The following IL7 variants were observed in gnomAD, a reference collection of about 807,000 sequenced individuals.
The protein encoded by IL7 is interleukin-7.
In IL7, 3 loss-of-function variants were observed where a neutral mutation model predicts 21.6. That is an observed-to-expected ratio of 0.14 (90% CI 0.06 to 0.36). The LOEUF (loss-of-function observed/expected upper bound fraction) is 0.36, where lower values mean the gene tolerates loss of function less well. IL7 is among the 10% of genes least tolerant of loss of function. The pLI, the probability that IL7 is intolerant of heterozygous loss-of-function variation, is 1.00. For missense variants in IL7, 175 were observed against 200.2 expected (o/e 0.87, Z 0.76); for synonymous variants, 62 against 68.1 (o/e 0.91, Z 0.44).
At chr8:78,708,388 G>A (rs1456098305) in intron 3 of IL7, among the ~76,000 whole-genome samples, 1 of 151,976 alleles carries the variant, frequency 6.6e-6, no homozygotes, top group Non-Finnish European at 1.5e-5. Flanking sequence ...TAGACAGTTT[G>A]TGGATTAGGC....
At chr8:78,682,085 T>G (rs1258342500) in intron 4 of IL7, among the ~76,000 whole-genome samples, 1 of 152,076 alleles carries the variant, frequency 6.6e-6, no homozygotes, top group Non-Finnish European at 1.5e-5. Context: ...ATTCAACACA[T>G]AATTCTTGAT....
At chr8:78,683,594 C>A (rs942545122) in intron 4 of IL7, among the ~76,000 whole-genome samples, 1 of 152,126 alleles carries the variant, frequency 6.6e-6, no homozygotes, top group African/African-American at 2.4e-5. Context: ...CCTTCTAGGC[C>A]TCTGAACCTG....
At chr8:78,719,693 A>G (rs974878712) in intron 5 of IL7, 2 of 151,652 alleles carry the variant, frequency 1.3e-5, no homozygotes, top group African/African-American at 2.4e-5. Flanking sequence ...CTTGTCCACT[A>G]TTTGTTTTTT....
intron 2 of IL7, among the ~76,000 whole-genome samples, chr8:78,766,669 A>G (rs542984063): frequency 6.6e-6 from 1 of 152,246 alleles, no homozygotes; most frequent in East Asian, 1.9e-4. Flanking sequence ...ATAACTGCGT[A>G]ATATTCCACA....
chr8:78,749,727 G>A (rs1812104734), intron 2 of IL7, among the ~76,000 whole-genome samples: 1 of 152,180 alleles, frequency 6.6e-6, no homozygotes, highest in Non-Finnish European at 1.5e-5. Context: ...GGTCCTCACA[G>A]TAAGTATCAG....
chr8:78,681,112 G>A (rs1446944459), intron 4 of IL7, among the ~76,000 whole-genome samples: 1 of 151,938 alleles, frequency 6.6e-6, no homozygotes, highest in Non-Finnish European at 1.5e-5. Flanking sequence ...AGGATCTGAG[G>A]GAAGCAGGGT....
chr8:78,746,808 C>G (rs1811993961), intron 2 of IL7: 12 of 344,608 alleles, frequency 3.5e-5, no homozygotes, highest in Middle Eastern at 1.0e-3. Flanking sequence ...TGATAGAGAA[C>G]TATTGCTTTT....
In IL7 at chr8:78,733,460, A is replaced by C. The variant is rs2130657329; in HGVS notation, c.*253T>G. 1 of 296,638 alleles carries C rather than the reference A, an allele frequency of 3.4e-6. No individual in the cohort carries two copies. The highest frequency in any genetic ancestry group is 9.7e-4 in the Middle Eastern group (1 of 1,032). The allele number at this position is 296,638 out of a possible 1,614,324, so 18.4% of individuals were successfully genotyped here. A position where few individuals can be genotyped will look rare whatever the true frequency, so the allele number is the denominator to read the frequency against. ...TTACATGGATTGTCTTACAAAAATC[A>C]GTACAGAATTATACTGATTGATAAA... is the stretch of plus-strand genomic sequence containing the variant. On this transcript the variant is annotated 3_prime_UTR_variant, in exon 6 of 6. Transcript: ENST00000263851.
Position 78,689,211 on chromosome 8 carries a change from A to G in IL7, n.215-3264T>C, listed in dbSNP as rs368612042. 3.4e-6 allele frequency: 5 copies of G among 1,462,630 alleles called. 1 individual carries two copies. In the Admixed American group the frequency reaches 7.5e-5, roughly 22 times the overall value. The allele number at this position is 1,462,630 out of a possible 1,614,324, so 90.6% of individuals were successfully genotyped here. A position where few individuals can be genotyped will look rare whatever the true frequency, so the allele number is the denominator to read the frequency against. On this transcript the variant is annotated intron_variant and non_coding_transcript_variant, in intron 3 of 4. Transcript: ENST00000523959. ...ATGCTATTAATCTGTTTCCGTTTTT[A>G]TCTGTTATAGATTATATTCAATGTC... is the stretch of plus-strand genomic sequence containing the variant.
intron 4 of IL7, among the ~76,000 whole-genome samples, chr8:78,677,863 T>C (rs536209497): frequency 6.6e-6 from 1 of 152,304 alleles, no homozygotes; most frequent in Non-Finnish European, 1.5e-5. Context: ...GGGTACTCCA[T>C]AGACAGAGCA....
intron 4 of IL7, among the ~76,000 whole-genome samples, chr8:78,684,865 A>G (rs1489071680): frequency 6.6e-6 from 1 of 152,198 alleles, no homozygotes; most frequent in Non-Finnish European, 1.5e-5. Flanking sequence ...ACTGTTTTTC[A>G]AATAGAAATA....
At chr8:78,750,562 G>A (rs764974908) in intron 2 of IL7, among the ~76,000 whole-genome samples, 5 of 152,188 alleles carry the variant, frequency 3.3e-5, no homozygotes, top group African/African-American at 4.8e-5. Context: ...GGTGGCTCAC[G>A]CCTGTAATCC....
At chr8:78,725,671 T>A (rs1811327338) in intron 3 of IL7, among the ~76,000 whole-genome samples, 1 of 152,016 alleles carries the variant, frequency 6.6e-6, no homozygotes, top group South Asian at 2.1e-4. Context: ...TTCAATATAC[T>A]GAAACAAGAC....
At chr8:78,793,601 C>T (rs1813764502) in intron 2 of IL7, among the ~76,000 whole-genome samples, 3 of 152,062 alleles carry the variant, frequency 2.0e-5, no homozygotes. Context: ...TGGTGGAGGG[C>T]CTTGCTTCAA....
intron 4 of IL7, chr8:78,678,743 T>A (rs1563621678): frequency 9.0e-7 from 1 of 1,105,944 alleles, no homozygotes; most frequent in Non-Finnish European, 1.3e-6. Context: ...AATATTATAT[T>A]ATCTGTTACA....
chr8:78,723,787 C>T, intron 3 of IL7: 1 of 226,474 alleles, frequency 4.4e-6, no homozygotes, highest in East Asian at 1.1e-4. Context: ...AATAACTAAG[C>T]ATGCCAAATC....
rs1811462107 is a variant in IL7, at chr8:78,733,019, C to T, written c.*694G>A. 2.0e-5 allele frequency: 3 copies of T among 151,992 alleles called. No homozygotes were observed. Among genetic ancestry groups the T allele is most frequent in the African/African-American group, 4.8e-5 (2 of 41,406 alleles). 9.4% of individuals were successfully genotyped at this position (151,992 alleles called of 1,614,324 possible). On this transcript the variant is annotated 3_prime_UTR_variant, in exon 6 of 6. Transcript: ENST00000263851. ...AGTACTAAGGTTTAGCATCCTTAGA[C>T]TAGGTGAATTTATTTTTATTTTATT...
At chr8:78,678,120 G>A (rs1191739215) in intron 4 of IL7, among the ~76,000 whole-genome samples, 3 of 152,052 alleles carry the variant, frequency 2.0e-5, no homozygotes, top group Non-Finnish European at 4.4e-5. Context: ...GTTTTTATTA[G>A]AAAGGTCTTT....
rs116379446 is a variant in IL7, at chr8:78,721,714, G to A, written n.268-274C>T. 1.0e-2 allele frequency among the ~76,000 whole-genome samples: 1,513 copies of A among 152,028 alleles called. 23 individuals carry two copies. The highest frequency in any genetic ancestry group is 0.035 in the African/African-American group (1,448 of 41,492). ...GGGGCGTTAAGATGAATGCCCTTAT[G>A]TACTGATGGTGGAAATATAAATAGA... On this transcript the variant is annotated intron_variant and non_coding_transcript_variant, in intron 3 of 6. Transcript: ENST00000519833.
Sources: gnomAD v4.1 joint callset for allele counts (sites outside exome capture counted in the v4.1 genomes callset) on GRCh38, gnomAD v4.1.1 for gene constraint, MANE v1.5 for transcripts, NCBI Gene and HGNC (gene_info 2026-07-23, HGNC 2026-07-21) for gene names.